Variants in LEKR1 observed in about 807,000 individuals in gnomAD.
LEKR1 encodes protein LEKR1.
A neutral mutation model predicts 72.4 loss-of-function variants in LEKR1; 59 were observed. The ratio of observed to expected loss-of-function variants is 0.82; its 90% CI spans 0.66 to 1.01. The LOEUF (loss-of-function observed/expected upper bound fraction) is 1.01. Ranked by LOEUF, LEKR1 falls within the 50% of genes least tolerant of loss-of-function variation. The pLI is 0.00. For missense variants in LEKR1, 728 were observed against 759.2 expected, an observed-to-expected ratio of 0.96 and a Z score of 0.48; for synonymous variants, 257 against 263.2, an observed-to-expected ratio of 0.98 and a Z score of 0.23.
rs1324457814 is a variant in LEKR1, at chr3:156,880,885, A to G, written c.263+27903A>G. 4.6e-5 allele frequency among the ~76,000 whole-genome samples: 7 copies of G among 152,296 alleles called. No individual in the cohort carries two copies. The East Asian group carries it at 9.6e-4, about 21-fold the overall frequency. On this transcript the variant is annotated intron_variant, in intron 3 of 12. Coordinates refer to ENST00000356539, the MANE Select transcript of LEKR1 (RefSeq NM_001004316.3). ...AAATGTAATCCAGCATATAAACAGA[A>G]CCAAAAACAAAAACCACATGATTAT...
intron 6 of LEKR1, among the ~76,000 whole-genome samples, chr3:156,957,923 A>G (rs1305054914): frequency 6.6e-6 from 1 of 152,094 alleles, no homozygotes; most frequent in African/African-American, 2.4e-5. Flanking sequence ...CATAATTTCA[A>G]GACTAAATTA....
chr3:156,929,616 G>A (rs565529706), intron 5 of LEKR1, among the ~76,000 whole-genome samples: 19 of 151,996 alleles, frequency 1.3e-4, no homozygotes, highest in Admixed American at 3.3e-4. Context: ...ATGTTTAATC[G>A]CCGAAAACAC....
chr3:157,023,996 G>A (rs1001136072), intron 10 of LEKR1, among the ~76,000 whole-genome samples: 1 of 152,140 alleles, frequency 6.6e-6, no homozygotes, highest in Non-Finnish European at 1.5e-5. Flanking sequence ...TGGCAACACA[G>A]TACATACACT....
In LEKR1 at chr3:157,045,726, T is replaced by C; in HGVS notation, c.2055T>C (p.Leu685=). ...CTAGACAGAGACTGGCTGCCATTCT[T>C]AGGAGAAGGCGGAGTCAGCAATGAT... ...NETRQRLAAI[L]RRRRSQQ is the part of the protein sequence containing the mutation. Residue 685 remains leucine (L), a synonymous_variant, in exon 13 of 13, where the codon CTT becomes CTC. Coordinates refer to ENST00000356539, the MANE Select transcript of LEKR1 (RefSeq NM_001004316.3). The C allele has an allele frequency of 6.2e-7, 1 of 1,610,438 alleles. No homozygotes were observed. The highest frequency in any genetic ancestry group is 1.3e-5 in the African/African-American group (1 of 75,046).
At chr3:157,007,362 C>A (rs1732537478) in intron 9 of LEKR1, among the ~76,000 whole-genome samples, 1 of 152,128 alleles carries the variant, frequency 6.6e-6, no homozygotes, top group Admixed American at 6.5e-5. Context: ...GAAAAAGAGG[C>A]ACATTTCAGA....
chr3:156,920,099 A>G (rs1199615405), intron 3 of LEKR1, among the ~76,000 whole-genome samples: 1 of 152,048 alleles, frequency 6.6e-6, no homozygotes, highest in African/African-American at 2.4e-5. Flanking sequence ...CAGCTATCCA[A>G]TCTTGAATTT....
chr3:156,912,910 T>A lies in LEKR1; in HGVS notation c.264-7665T>A, dbSNP rs74541951. Among the ~76,000 whole-genome samples the A allele has an allele frequency of 0.014, 2,178 of 152,240 alleles. 96 individuals are homozygous for A. The East Asian group carries it at 0.16, about 11-fold the overall frequency. On this transcript the variant is annotated intron_variant, in intron 3 of 12. Coordinates refer to ENST00000356539, the MANE Select transcript of LEKR1 (RefSeq NM_001004316.3). The stretch of plus-strand genomic sequence containing the variant: ...ATGAGTTTATATCCTGGAGGCAGAC[T>A]CCCCTACCTCACACTCTGAGGACTT...
chr3:156,930,362 A>G (rs535147426), intron 5 of LEKR1, among the ~76,000 whole-genome samples: 18 of 152,224 alleles, frequency 1.2e-4, no homozygotes, highest in Non-Finnish European at 2.2e-4. Flanking sequence ...AAAAACTCAC[A>G]TGCTTATTTA....
chr3:156,905,410 T>G (rs1398958278), intron 3 of LEKR1, among the ~76,000 whole-genome samples: 1 of 152,200 alleles, frequency 6.6e-6, no homozygotes, highest in African/African-American at 2.4e-5. Context: ...GGTGTCATGT[T>G]AATTTTCTAA....
In LEKR1 at chr3:157,046,079, C is replaced by T. The variant is rs548464381; in HGVS notation, c.*329C>T. 9.8e-5 allele frequency: 22 copies of T among 223,840 alleles called. No individual in the cohort carries two copies. The South Asian group carries it at 2.3e-3, about 24-fold the overall frequency. 13.9% of individuals were successfully genotyped at this position (223,840 alleles called of 1,614,324 possible). On this transcript the variant is annotated 3_prime_UTR_variant, in exon 13 of 13. Transcript: ENST00000356539. Reference sequence around the variant, plus strand: ...CCCATAACATCTTTTCAATTTCTTGCGCCACTACAAGCAGATATATTTCCA... The same window carrying T: ...CCCATAACATCTTTTCAATTTCTTGTGCCACTACAAGCAGATATATTTCCA...
intron 12 of LEKR1, among the ~76,000 whole-genome samples, chr3:157,037,256 G>A (rs578114238): frequency 1.3e-5 from 2 of 152,096 alleles, no homozygotes; most frequent in African/African-American, 2.4e-5. Context: ...TTCCTGGGAG[G>A]CAGGACTTGG....
intron 12 of LEKR1, among the ~76,000 whole-genome samples, chr3:157,041,943 A>C (rs1255894464): frequency 1.3e-5 from 2 of 152,148 alleles, no homozygotes; most frequent in African/African-American, 2.4e-5. Context: ...GTGTATACTT[A>C]CTCTAGGCAC....
chr3:156,865,142 C>T (rs948047385), intron 3 of LEKR1, among the ~76,000 whole-genome samples: 3 of 151,986 alleles, frequency 2.0e-5, no homozygotes, highest in African/African-American at 7.2e-5. Context: ...TGTGTTCTAC[C>T]TGCTACTCTT....
In LEKR1 at chr3:156,829,311, C is replaced by CA. The variant is rs1224875948; in HGVS notation, c.-18dup. ...ATTTCCTTTGGCTTCAAAGCTCTCT[C>CA]ACCATATTTTGGGAAGTTATGGATC... On this transcript the variant is annotated 5_prime_UTR_variant, in exon 2 of 13. Coordinates refer to ENST00000356539, the MANE Select transcript of LEKR1 (RefSeq NM_001004316.3). 6.6e-7 allele frequency: 1 copy of CA among 1,515,542 alleles called. No homozygotes were observed. Among genetic ancestry groups the CA allele is most frequent in the Non-Finnish European group, 8.9e-7 (1 of 1,128,938 alleles). 93.9% of individuals were successfully genotyped at this position (1,515,542 alleles called of 1,614,324 possible). A position where few individuals can be genotyped will look rare whatever the true frequency, so the allele number is the denominator to read the frequency against.
intron 6 of LEKR1, among the ~76,000 whole-genome samples, chr3:156,961,849 G>A (rs1389659366): frequency 1.3e-5 from 2 of 152,186 alleles, no homozygotes; most frequent in African/African-American, 4.8e-5. Flanking sequence ...AAGATAAAAT[G>A]TAAGATCATC....
intron 3 of LEKR1, among the ~76,000 whole-genome samples, chr3:156,908,704 A>G: frequency 6.6e-6 from 1 of 152,234 alleles, no homozygotes. Context: ...GATTTCTTTA[A>G]TTGGAGAATG....
rs1183562233 is a variant in LEKR1, at chr3:156,882,803, C to T, written c.263+29821C>T. Among the ~76,000 whole-genome samples, 509 of 152,004 alleles carry T rather than the reference C, an allele frequency of 3.3e-3. 2 individuals carry two copies. Among genetic ancestry groups the T allele is most frequent in the African/African-American group, 0.011 (460 of 41,466 alleles). On this transcript the variant is annotated intron_variant, in intron 3 of 12. Transcript: ENST00000356539. The stretch of plus-strand genomic sequence containing the variant: ...TTAAGAAAATGTGGCACATATACAC[C>T]ATGGAATACTATGCAGCCATAAAAA...
At chr3:156,976,839 A>G (rs1729736613) in intron 6 of LEKR1, among the ~76,000 whole-genome samples, 1 of 152,222 alleles carries the variant, frequency 6.6e-6, no homozygotes, top group African/African-American at 2.4e-5. Flanking sequence ...TAATTACTCT[A>G]ATCCTTAGAG....
rs1304538743 is a variant in LEKR1 at position 156,899,611 on chromosome 3, CACACAT to C, written c.264-20962_264-20957del. Among the ~76,000 whole-genome samples, 134 of 123,470 alleles carry C rather than the reference CACACAT, an allele frequency of 1.1e-3. 5 individuals carry two copies. The highest frequency in any genetic ancestry group is 4.6e-3 in the African/African-American group (117 of 25,674). 81.0% of individuals were successfully genotyped at this position (123,470 alleles called of 152,430 possible). A position where few individuals can be genotyped will look rare whatever the true frequency, so the allele number is the denominator to read the frequency against. ...GTATATATACATATACGTATATATA[CACACAT>C]ATATACACATATATACACGCATATA... is the stretch of plus-strand genomic sequence containing the variant. On this transcript the variant is annotated intron_variant, in intron 3 of 12. Transcript: ENST00000356539.
Sources: gnomAD v4.1 joint callset for allele counts (sites outside exome capture counted in the v4.1 genomes callset) on GRCh38, gnomAD v4.1.1 for gene constraint, MANE v1.5 for transcripts, NCBI Gene and HGNC (gene_info 2026-07-23, HGNC 2026-07-21) for gene names.